PCDH11Y: variants seen among roughly 807,000 people sequenced by gnomAD.
The protein encoded by PCDH11Y is protocadherin-11 Y-linked.
For missense variants in PCDH11Y, 12 were observed against 224.8 expected (o/e 0.05, Z 6.05); for synonymous variants, 9 against 83.6 (o/e 0.11, Z 4.87).
intron 2 of PCDH11Y, among the ~76,000 whole-genome samples, chrY:5,339,513 C>T: frequency 3.1e-5 from 1 of 31,936 alleles, no homozygotes; most frequent in South Asian, 7.1e-4. Context: ...CCACCAAGCC[C>T]GGCTAGGGTT....
At chrY:5,333,781 C>T (rs2053133549) in intron 2 of PCDH11Y, among the ~76,000 whole-genome samples, 5 of 32,166 alleles carry the variant, frequency 1.6e-4, no homozygotes, top group Admixed American at 8.7e-4. Context: ...CCCAGCTACT[C>T]GGGAGGCTGA....
rs1203605290 is a variant in PCDH11Y at position 5,353,774 on chromosome Y, C to T, written c.3130-147283C>T. On this transcript the variant is annotated intron_variant, in intron 2 of 4. Coordinates refer to the PCDH11Y transcript ENST00000400457. ...CAGCACTTTGGGAGGCCGAGGCAGGCGGATCATGAGGTCAGGAGTTCAAGA... is the reference window on the plus strand; with the variant it reads ...CAGCACTTTGGGAGGCCGAGGCAGGTGGATCATGAGGTCAGGAGTTCAAGA... Among the ~76,000 whole-genome samples, 8 of 32,146 alleles carry T rather than the reference C, an allele frequency of 2.5e-4. No individual in the cohort carries two copies. The East Asian group carries it at 6.7e-3, about 27-fold the overall frequency. 86.2% of individuals were successfully genotyped at this position (32,146 alleles called of 37,273 possible).
intron 4 of PCDH11Y, among the ~76,000 whole-genome samples, chrY:5,591,360 T>A: frequency 3.0e-5 from 1 of 33,171 alleles, no homozygotes. Flanking sequence ...CCCAGCCATG[T>A]GGAACTGCGA....
At chrY:5,311,423 TAAAC>T (rs2053100047) in intron 2 of PCDH11Y, among the ~76,000 whole-genome samples, 1 of 22,180 alleles carries the variant, frequency 4.5e-5, no homozygotes. Context: ...AATCATATAA[TAAAC>T]AAATGACATA....
At chrY:5,486,730 C>CAT (rs2053333161) in intron 2 of PCDH11Y, among the ~76,000 whole-genome samples, 30 of 4,766 alleles carry the variant, frequency 6.3e-3, no homozygotes, top group African/African-American at 0.013. Context: ...TATATATACA[C>CAT]ATATATATAT....
chrY:5,584,427 T>C, intron 4 of PCDH11Y, among the ~76,000 whole-genome samples: 1 of 31,362 alleles, frequency 3.2e-5, no homozygotes, highest in Non-Finnish European at 7.8e-5. Flanking sequence ...CAGGGTAATA[T>C]TAGCCTCATA....
chrY:5,437,230 T>C (rs2053276249), intron 2 of PCDH11Y, among the ~76,000 whole-genome samples: 1 of 31,930 alleles, frequency 3.1e-5, no homozygotes, highest in East Asian at 8.2e-4. Flanking sequence ...AAATACTTTA[T>C]AGAGATTTAA....
At chrY:5,145,500 A>G in intron 2 of PCDH11Y, among the ~76,000 whole-genome samples, 1 of 33,217 alleles carries the variant, frequency 3.0e-5, no homozygotes, top group Non-Finnish European at 7.5e-5. Context: ...CCTTTACTTT[A>G]GTTAGTATTT....
intron 2 of PCDH11Y, among the ~76,000 whole-genome samples, chrY:5,458,796 TAAAG>T (rs2053300557): frequency 3.2e-5 from 1 of 31,156 alleles, no homozygotes; most frequent in Non-Finnish European, 8.0e-5. Flanking sequence ...TGATGCTTGA[TAAAG>T]AAATAAGATA....
intron 4 of PCDH11Y, among the ~76,000 whole-genome samples, chrY:5,591,537 C>T (rs2053461774): frequency 3.2e-5 from 1 of 30,996 alleles, no homozygotes; most frequent in African/African-American, 1.3e-4. Context: ...TTCAGTTCAG[C>T]TCTGATTTTG....
intron 2 of PCDH11Y, among the ~76,000 whole-genome samples, chrY:5,336,780 T>C (rs2053138420): frequency 3.3e-5 from 1 of 29,944 alleles, no homozygotes; most frequent in Non-Finnish European, 7.8e-5. Flanking sequence ...GGCAGGCTCA[T>C]AGATTTGAGA....
At chrY:5,348,063 C>G (rs2053154212) in intron 2 of PCDH11Y, among the ~76,000 whole-genome samples, 2 of 33,340 alleles carry the variant, frequency 6.0e-5, no homozygotes, top group East Asian at 1.6e-3. Context: ...TCACAGGCAT[C>G]TTAAATTTTA....
chrY:5,096,688 A>AT (rs1451630867), intron 1 of PCDH11Y, among the ~76,000 whole-genome samples: 9 of 3,187 alleles, frequency 2.8e-3, no homozygotes, highest in East Asian at 0.018. Flanking sequence ...CAGGGAGGGG[A>AT]TTTTTTTTTT....
intron 2 of PCDH11Y, among the ~76,000 whole-genome samples, chrY:5,421,003 C>G: frequency 3.5e-5 from 1 of 28,782 alleles, no homozygotes; most frequent in Non-Finnish European, 8.1e-5. Flanking sequence ...GTCAGGAGTT[C>G]AAGACCAGCC....
chrY:5,352,323 C>T, intron 2 of PCDH11Y, among the ~76,000 whole-genome samples: 2 of 31,090 alleles, frequency 6.4e-5, no homozygotes, highest in African/African-American at 2.5e-4. Flanking sequence ...GGGGTTTCAC[C>T]ATGTTAGCCA....
At chrY:5,278,402 G>A (rs2053047632) in intron 2 of PCDH11Y, among the ~76,000 whole-genome samples, 2 of 33,160 alleles carry the variant, frequency 6.0e-5, no homozygotes, top group East Asian at 1.6e-3. Flanking sequence ...ACTTGCCTTG[G>A]CCTCCCAAAG....
intron 1 of PCDH11Y, among the ~76,000 whole-genome samples, chrY:5,078,583 G>A: frequency 1.2e-4 from 4 of 33,199 alleles, no homozygotes; most frequent in African/African-American, 3.6e-4. Context: ...GGACTTACAT[G>A]GAGGCTGGCA....
intron 2 of PCDH11Y, among the ~76,000 whole-genome samples, chrY:5,417,386 C>G: frequency 3.3e-5 from 1 of 30,390 alleles, no homozygotes; most frequent in Non-Finnish European, 7.9e-5. Flanking sequence ...AGAAGTATGG[C>G]TCTTGAGGTA....
intron 2 of PCDH11Y, among the ~76,000 whole-genome samples, chrY:5,346,717 G>A: frequency 6.2e-5 from 2 of 32,442 alleles, no homozygotes; most frequent in Non-Finnish European, 1.5e-4. Context: ...GGCTGGTCTC[G>A]AACTCCTGAC....
Sources: gnomAD v4.1 joint callset for allele counts (sites outside exome capture counted in the v4.1 genomes callset) on GRCh38, gnomAD v4.1.1 for gene constraint, MANE v1.5 for transcripts, NCBI Gene and HGNC (gene_info 2026-07-23, HGNC 2026-07-21) for gene names.